SPOCK3: variants seen among roughly 807,000 people sequenced by gnomAD.
The protein encoded by SPOCK3 is testican-3.
A neutral mutation model predicts 56.6 loss-of-function variants in SPOCK3; 30 were observed. That is an observed-to-expected ratio of 0.53 (90% CI 0.40 to 0.72). The LOEUF (loss-of-function observed/expected upper bound fraction) is 0.72, where lower values mean the gene tolerates loss of function less well. SPOCK3 is among the 30% of genes least tolerant of loss of function. The pLI is 0.00. For synonymous variants in SPOCK3, 196 were observed against 183.3 expected (o/e 1.07, Z -0.56); for missense variants, 527 against 530.0 (o/e 0.99, Z 0.06).
chr4:166,933,446 C>T (rs1740020398), intron 4 of SPOCK3, among the ~76,000 whole-genome samples: 1 of 152,156 alleles, frequency 6.6e-6, no homozygotes, highest in South Asian at 2.1e-4. Context: ...CACAGGGAAT[C>T]CCTCCCTGAA....
intron 5 of SPOCK3, among the ~76,000 whole-genome samples, chr4:166,907,663 C>T (rs922797114): frequency 6.6e-6 from 1 of 152,088 alleles, no homozygotes; most frequent in Non-Finnish European, 1.5e-5. Context: ...TTAGAACACT[C>T]CTCAAATATA....
In SPOCK3 at chr4:167,060,317, CA is replaced by C. The variant is rs1293428093; in HGVS notation, c.235+2174del. Among the ~76,000 whole-genome samples the C allele has an allele frequency of 2.6e-4, 37 of 142,386 alleles. No homozygotes were observed. In the East Asian group the frequency reaches 6.8e-3, roughly 26 times the overall value. The allele number at this position is 142,386 out of a possible 152,430, so 93.4% of individuals were successfully genotyped here. On this transcript the variant is annotated intron_variant, in intron 3 of 10. Coordinates refer to ENST00000357545, the MANE Select transcript of SPOCK3 (RefSeq NM_001040159.2). ...AGAAAAAAAAAAAAGAAAAAACAAA[CA>C]AAAAAGAAAATAATACTTGAAGGAA...
At chr4:167,205,524 ATAT>A (rs574483749) in intron 2 of SPOCK3, among the ~76,000 whole-genome samples, 200 of 58,832 alleles carry the variant, frequency 3.4e-3, no homozygotes, top group Middle Eastern at 7.2e-3. Flanking sequence ...TATATTATAT[ATAT>A]TATTATATAA....
intron 4 of SPOCK3, among the ~76,000 whole-genome samples, 191 bp downstream of exon 4, chr4:167,000,158 A>G (rs1748801660): frequency 6.6e-6 from 1 of 152,162 alleles, no homozygotes; most frequent in Non-Finnish European, 1.5e-5. Context: ...AAATTCTATA[A>G]TCTGTAGTAA....
chr4:167,222,530 T>TTATA (rs1736041324), intron 2 of SPOCK3, among the ~76,000 whole-genome samples: 1 of 145,956 alleles, frequency 6.9e-6, no homozygotes, highest in Non-Finnish European at 1.5e-5. Flanking sequence ...AACATGTATG[T>TTATA]TATAGATTCA....
intron 2 of SPOCK3, among the ~76,000 whole-genome samples, chr4:167,149,447 T>C (rs903592253): frequency 6.6e-6 from 1 of 152,088 alleles, no homozygotes; most frequent in African/African-American, 2.4e-5. Context: ...GGGAAATACC[T>C]GCCAAAAGAA....
intron 3 of SPOCK3, among the ~76,000 whole-genome samples, chr4:167,006,874 G>A (rs1749526334): frequency 1.3e-5 from 2 of 151,924 alleles, no homozygotes; most frequent in South Asian, 2.1e-4. Flanking sequence ...TTTATCCCTC[G>A]CAACTCAAAA....
chr4:166,770,016 C>T (rs973710502), intron 7 of SPOCK3, among the ~76,000 whole-genome samples: 2 of 152,098 alleles, frequency 1.3e-5, no homozygotes, highest in African/African-American at 2.4e-5. Flanking sequence ...CCTGGTGTGC[C>T]GTTCGCTAAG....
At chr4:167,016,559 T>C (rs929931650) in intron 3 of SPOCK3, among the ~76,000 whole-genome samples, 18 of 151,376 alleles carry the variant, frequency 1.2e-4, no homozygotes, top group Non-Finnish European at 2.2e-4. Flanking sequence ...TTTTTTTTTC[T>C]TTTAATTGGT....
chr4:166,935,613 T>G (rs919284014), intron 4 of SPOCK3, among the ~76,000 whole-genome samples: 2 of 152,212 alleles, frequency 1.3e-5, no homozygotes, highest in Non-Finnish European at 2.9e-5. Flanking sequence ...TAAAAACCAT[T>G]TTGGTTTTTA....
intron 2 of SPOCK3, among the ~76,000 whole-genome samples, chr4:167,121,636 A>G (rs1261975415): frequency 2.0e-5 from 3 of 152,160 alleles, no homozygotes. Flanking sequence ...CTGCATAACA[A>G]AATTTTATAC....
chr4:167,203,878 A>C (rs901815878), intron 2 of SPOCK3, among the ~76,000 whole-genome samples: 1 of 152,246 alleles, frequency 6.6e-6, no homozygotes, highest in South Asian at 2.1e-4. Context: ...TCTAAATGAT[A>C]CACTACTATT....
Position 166,784,791 on chromosome 4 carries a change from C to T in SPOCK3, c.709+7379G>A, listed in dbSNP as rs149601863. ...GTTTACATAATTCTATCATTTTCTC[C>T]GACTGAGGAGAACATTTGGCTTGTA... On this transcript the variant is annotated intron_variant, in intron 7 of 10. Coordinates refer to ENST00000357545, the MANE Select transcript of SPOCK3 (RefSeq NM_001040159.2). 2.2e-3 allele frequency among the ~76,000 whole-genome samples: 333 copies of T among 152,052 alleles called. 2 individuals carry two copies. The highest frequency in any genetic ancestry group is 6.9e-3 in the African/African-American group (287 of 41,518).
At chr4:167,134,946 T>G (rs1762992954) in intron 2 of SPOCK3, among the ~76,000 whole-genome samples, 2 of 152,002 alleles carry the variant, frequency 1.3e-5, no homozygotes, top group African/African-American at 4.8e-5. Context: ...TTATTCCCAG[T>G]TCTATTTAGA....
chr4:167,209,969 A>G (rs972866383), intron 2 of SPOCK3, among the ~76,000 whole-genome samples: 2 of 152,174 alleles, frequency 1.3e-5, no homozygotes, highest in Non-Finnish European at 2.9e-5. Flanking sequence ...TCAGGTAGCA[A>G]CAACTGCAAA....
At chr4:166,869,212 A>G (rs1185838779) in intron 6 of SPOCK3, among the ~76,000 whole-genome samples, 1 of 152,162 alleles carries the variant, frequency 6.6e-6, no homozygotes, top group East Asian at 1.9e-4. Context: ...TGCTAATTTC[A>G]CAAAATGTAA....
At chr4:167,139,936 C>T (rs550752661) in intron 2 of SPOCK3, among the ~76,000 whole-genome samples, 9 of 151,976 alleles carry the variant, frequency 5.9e-5, no homozygotes, top group South Asian at 2.1e-4. Flanking sequence ...AAGTTTTATA[C>T]TTCCACCAAG....
chr4:166,937,528 T>A (rs928554122), intron 4 of SPOCK3, among the ~76,000 whole-genome samples: 2 of 148,170 alleles, frequency 1.3e-5, no homozygotes, highest in African/African-American at 4.9e-5. Context: ...TATATTTATA[T>A]GTTATATAAT....
chr4:166,824,632 T>C (rs1745272317), intron 6 of SPOCK3, among the ~76,000 whole-genome samples: 1 of 152,252 alleles, frequency 6.6e-6, no homozygotes, highest in South Asian at 2.1e-4. Flanking sequence ...TGATCATTGC[T>C]GTTTCTTCCC....
Sources: allele counts gnomAD v4.1 joint callset (sites outside exome capture counted in the v4.1 genomes callset), GRCh38; gene constraint gnomAD v4.1.1; transcripts MANE v1.5; gene names NCBI Gene and HGNC (gene_info 2026-07-23, HGNC 2026-07-21).